The following PHLDB2 variants were observed in gnomAD, a reference collection of about 807,000 sequenced individuals.
PHLDB2 encodes pleckstrin homology-like domain family B member 2.
PHLDB2 carries 71 observed loss-of-function variants against 123.6 expected under a neutral mutation model. The ratio of observed to expected loss-of-function variants is 0.57; its 90% confidence interval spans 0.47 to 0.70. The LOEUF (loss-of-function observed/expected upper bound fraction) is 0.70, where lower values mean the gene tolerates loss of function less well. Ranked by LOEUF, PHLDB2 falls within the 30% of genes least tolerant of loss-of-function variation. The pLI is 0.00. For missense variants in PHLDB2, 1,446 were observed against 1,519.5 expected, an observed-to-expected ratio of 0.95 and a Z score of 0.80; for synonymous variants, 547 against 541.6, an observed-to-expected ratio of 1.01 and a Z score of -0.14.
intron 2 of PHLDB2, among the ~76,000 whole-genome samples, chr3:111,888,442 T>G (rs2066298896): frequency 6.6e-6 from 1 of 152,096 alleles, no homozygotes; most frequent in Non-Finnish European, 1.5e-5. Context: ...TAAAGAATTG[T>G]GTATACCTGA....
At chr3:111,801,272 C>T (rs1032797918) in intron 1 of PHLDB2, among the ~76,000 whole-genome samples, 3 of 152,314 alleles carry the variant, frequency 2.0e-5, no homozygotes, top group Admixed American at 2.0e-4. Flanking sequence ...CACAGGGCCA[C>T]ATTGAAATAA....
In PHLDB2 at chr3:111,918,797, T is replaced by C. The variant is rs147494169; in HGVS notation, c.1720-275T>C. Among the ~76,000 whole-genome samples the C allele has an allele frequency of 1.1e-4, 16 of 152,346 alleles. No individual in the cohort carries two copies. In the East Asian group the frequency reaches 3.1e-3, roughly 29 times the overall value. The stretch of plus-strand genomic sequence containing the variant: ...ATCTCTATATACCACACCTTTCTTA[T>C]CTGTGTAATCTCTTAGTTCTTTTAG... On this transcript the variant is annotated intron_variant, in intron 3 of 17. Transcript: ENST00000431670.
rs1353135439 is a variant in PHLDB2 at position 111,830,295 on chromosome 3, C to T, written c.-48-15526C>T. ...TTGGAAGCATATATTGCTTAATAAGCAGGGAAACTGAGGCTGGTATTTCTG... is the reference window on the plus strand; with the variant it reads ...TTGGAAGCATATATTGCTTAATAAGTAGGGAAACTGAGGCTGGTATTTCTG... On this transcript the variant is annotated intron_variant, in intron 1 of 17. Transcript: ENST00000393923. Among the ~76,000 whole-genome samples the T allele has an allele frequency of 4.6e-5, 7 of 152,112 alleles. No homozygotes were observed. The South Asian group carries it at 1.2e-3, about 27-fold the overall frequency.
Position 111,761,214 on chromosome 3 carries a change from A to G in PHLDB2, c.-49+28511A>G, listed in dbSNP as rs2059988571. On this transcript the variant is annotated intron_variant, in intron 1 of 17. Coordinates refer to the PHLDB2 transcript ENST00000393923. Reference sequence around the variant, plus strand: ...AAAAAAAAAAGAAAAAAAAAACTAAACACATTTGAATACTAATCCCAGCTT... The same window carrying G: ...AAAAAAAAAAGAAAAAAAAAACTAAGCACATTTGAATACTAATCCCAGCTT... Among the ~76,000 whole-genome samples, 3 of 151,910 alleles carry G rather than the reference A, an allele frequency of 2.0e-5. No homozygotes were observed. The South Asian group carries it at 6.2e-4, about 32-fold the overall frequency.
intron 1 of PHLDB2, among the ~76,000 whole-genome samples, chr3:111,749,815 A>G (rs2059740026): frequency 6.6e-6 from 1 of 152,240 alleles, no homozygotes; most frequent in Non-Finnish European, 1.5e-5. Context: ...GAAACAGTCT[A>G]ATTAAACCAT....
chr3:111,911,777 T>C (rs2067899392), intron 2 of PHLDB2: 2 of 1,427,388 alleles, frequency 1.4e-6, no homozygotes, highest in Middle Eastern at 1.7e-4. Context: ...GCTATTGCTC[T>C]TTTGTTTTTT....
At chr3:111,894,955 T>C (rs1368946244) in intron 2 of PHLDB2, among the ~76,000 whole-genome samples, 1 of 152,034 alleles carries the variant, frequency 6.6e-6, no homozygotes, top group East Asian at 1.9e-4. Context: ...TGTGTATGTA[T>C]GTATGTGTGG....
At chr3:111,872,888 A>G (rs897568051) in intron 1 of PHLDB2, among the ~76,000 whole-genome samples, 3 of 152,234 alleles carry the variant, frequency 2.0e-5, no homozygotes. Flanking sequence ...TGTGGCACGT[A>G]AACTAAGCTT....
At chr3:111,860,085 G>C (rs2064746119) in intron 1 of PHLDB2, among the ~76,000 whole-genome samples, 1 of 152,068 alleles carries the variant, frequency 6.6e-6, no homozygotes, top group South Asian at 2.1e-4. Flanking sequence ...GATGCTTCCA[G>C]AGTGATTGTA....
intron 6 of PHLDB2, among the ~76,000 whole-genome samples, chr3:111,938,114 T>G (rs904843145): frequency 1.3e-5 from 2 of 152,208 alleles, no homozygotes; most frequent in African/African-American, 4.8e-5. Context: ...TGTTTACACT[T>G]TCCAGTAAAA....
intron 1 of PHLDB2, among the ~76,000 whole-genome samples, chr3:111,870,928 C>T (rs1004897144): frequency 3.3e-5 from 5 of 152,186 alleles, no homozygotes; most frequent in African/African-American, 4.8e-5. Context: ...TCCAAGTCAG[C>T]GTCTCTGCTC....
At chr3:111,844,185 T>G (rs2063829642) in intron 1 of PHLDB2, among the ~76,000 whole-genome samples, 1 of 152,186 alleles carries the variant, frequency 6.6e-6, no homozygotes, top group African/African-American at 2.4e-5. Context: ...CCTAGATCTT[T>G]AACATCTCTC....
chr3:111,933,478 G>A (rs971498197), intron 6 of PHLDB2, among the ~76,000 whole-genome samples: 1 of 152,212 alleles, frequency 6.6e-6, no homozygotes, highest in African/African-American at 2.4e-5. Context: ...ATGTATTGCA[G>A]AAGTTGAGAG....
chr3:111,950,172 T>C (rs926173738), intron 10 of PHLDB2, among the ~76,000 whole-genome samples: 1 of 152,220 alleles, frequency 6.6e-6, no homozygotes, highest in Admixed American at 6.5e-5. Flanking sequence ...TTGCAACTTA[T>C]CTCAGATAGT....
intron 1 of PHLDB2, among the ~76,000 whole-genome samples, chr3:111,825,558 G>A (rs770807374): frequency 2.6e-5 from 4 of 152,134 alleles, no homozygotes; most frequent in Non-Finnish European, 5.9e-5. Context: ...AGCTGTTCTC[G>A]TGCCTCAGCC....
chr3:111,927,212 A>G (rs1335119538), intron 5 of PHLDB2, among the ~76,000 whole-genome samples: 1 of 142,138 alleles, frequency 7.0e-6, no homozygotes, highest in African/African-American at 2.6e-5. Flanking sequence ...ATACATAGAT[A>G]GGACTTTGAA....
intron 1 of PHLDB2, among the ~76,000 whole-genome samples, chr3:111,769,678 G>GA (rs1396041738): frequency 2.6e-5 from 4 of 152,184 alleles, no homozygotes; most frequent in African/African-American, 9.7e-5. Flanking sequence ...GCACTTTGTA[G>GA]AAAAAACAAG....
At chr3:111,901,292 G>A (rs1223207927) in intron 2 of PHLDB2, among the ~76,000 whole-genome samples, 5 of 151,670 alleles carry the variant, frequency 3.3e-5, no homozygotes, top group African/African-American at 1.2e-4. Context: ...CCCGGATGCT[G>A]GAGGTTGCAG....
At chr3:111,847,180 T>C (rs1177237630) in intron 2 of PHLDB2, among the ~76,000 whole-genome samples, 3 of 152,216 alleles carry the variant, frequency 2.0e-5, no homozygotes, top group Non-Finnish European at 4.4e-5. Context: ...ATTTATTTTA[T>C]CCTAAAGGCT....
Sources: gnomAD v4.1 joint callset for allele counts (sites outside exome capture counted in the v4.1 genomes callset) on GRCh38, gnomAD v4.1.1 for gene constraint, MANE v1.5 for transcripts, NCBI Gene and HGNC (gene_info 2026-07-23, HGNC 2026-07-21) for gene names.